Variants in BMS1 observed in about 807,000 individuals in gnomAD.
The protein encoded by BMS1 is BMS1 ribosome biogenesis factor, also known as ribosome biogenesis protein BMS1 homolog.
BMS1 carries 53 observed loss-of-function variants against 138.7 expected under a neutral mutation model. The ratio of observed to expected loss-of-function variants is 0.38; its 90% CI spans 0.31 to 0.48. BMS1 has a LOEUF of 0.48. BMS1 is among the 20% of genes least tolerant of loss of function. The probability of loss-of-function intolerance (pLI) is 0.97; values close to 1 mark genes in which losing one functional copy is unlikely to be tolerated. For missense variants in BMS1, 1,360 were observed against 1,565.5 expected (o/e 0.87, Z 2.22); for synonymous variants, 504 against 539.9 (o/e 0.93, Z 0.92).
At chr10:42,788,930 G>A (rs1841421100) in intron 4 of BMS1, among the ~76,000 whole-genome samples, 1 of 152,114 alleles carries the variant, frequency 6.6e-6, no homozygotes, top group Admixed American at 6.6e-5. Flanking sequence ...GTATTTTGGA[G>A]GTATATAATC....
intron 19 of BMS1, 135 bp downstream of exon 19, chr10:42,822,319 G>A: frequency 5.4e-6 from 3 of 556,746 alleles, no homozygotes; most frequent in East Asian, 6.2e-5. Context: ...TATTTTGTTT[G>A]CTCCTTTATA....
chr10:42,792,784 C>T (rs907308598), intron 7 of BMS1, among the ~76,000 whole-genome samples, 170 bp downstream of exon 7: 5 of 152,232 alleles, frequency 3.3e-5, no homozygotes, highest in African/African-American at 1.2e-4. Flanking sequence ...ATCCCCTCTT[C>T]TCTGACCTCT....
intron 3 of BMS1, among the ~76,000 whole-genome samples, chr10:42,786,216 T>C (rs914478973): frequency 6.6e-6 from 1 of 152,236 alleles, no homozygotes; most frequent in Non-Finnish European, 1.5e-5. Context: ...TATGCTTGCC[T>C]TATGAAGCCA....
chr10:42,796,344 T>C, intron 9 of BMS1, 130 bp from the exon 10 acceptor site: 1 of 1,109,464 alleles, frequency 9.0e-7, no homozygotes, highest in Non-Finnish European at 1.3e-6. Context: ...ATATTTTCCC[T>C]ATGCTATGTC....
rs1270517295 is a variant in BMS1 at position 42,832,992 on chromosome 10, C to T, written c.*1896C>T. ...TTTAAGTAGCTTACAAGGTGATCAG[C>T]AAGTGTCTTATACAACAAGCAAATT... On this transcript the variant is annotated 3_prime_UTR_variant, in exon 23 of 23. Transcript: ENST00000374518. 2 of 152,156 alleles carry T rather than the reference C, an allele frequency of 1.3e-5. No individual in the cohort carries two copies. Among genetic ancestry groups the T allele is most frequent in the Non-Finnish European group, 2.9e-5 (2 of 68,034 alleles). 9.4% of individuals were successfully genotyped at this position (152,156 alleles called of 1,614,324 possible). A position where few individuals can be genotyped will look rare whatever the true frequency, so the allele number is the denominator to read the frequency against.
rs975827567 is a variant in BMS1, at chr10:42,830,324, C to T, written c.3520C>T (p.Leu1174=). 1 of 1,613,896 alleles carries T rather than the reference C, an allele frequency of 6.2e-7. No individual in the cohort carries two copies. Residue 1174 remains leucine (L), a synonymous_variant, in exon 22 of 23, where the codon CTG becomes TTG. Transcript: ENST00000374518. ...CATTCCAAAAGCCTTGCAGAAGGCC[C>T]TGCCATTTAAGAACAAGCCCAAGAC... ...LHIPKALQKA[L]PFKNKPKTQA... is the part of the protein sequence containing the mutation.
intron 21 of BMS1, among the ~76,000 whole-genome samples, chr10:42,827,810 T>C (rs938995201): frequency 6.6e-6 from 1 of 152,164 alleles, no homozygotes; most frequent in South Asian, 2.1e-4. Flanking sequence ...TTTGGCTGTC[T>C]TTGTCAGGGG....
intron 13 of BMS1, among the ~76,000 whole-genome samples, chr10:42,804,043 A>G (rs1841947384): frequency 6.6e-6 from 1 of 152,190 alleles, no homozygotes; most frequent in Non-Finnish European, 1.5e-5. Flanking sequence ...TGATTATTTC[A>G]AGATTCATCC....
At chr10:42,811,742 T>A (rs956443576) in intron 13 of BMS1, among the ~76,000 whole-genome samples, 1 of 151,362 alleles carries the variant, frequency 6.6e-6, no homozygotes, top group African/African-American at 2.4e-5. Flanking sequence ...GCCGGGATGG[T>A]CTCGATCTCC....
intron 13 of BMS1, among the ~76,000 whole-genome samples, chr10:42,811,123 A>G (rs904043757): frequency 6.6e-6 from 1 of 151,188 alleles, no homozygotes; most frequent in Non-Finnish European, 1.5e-5. Flanking sequence ...GCTCCCCGCA[A>G]CCTCCACCTC....
intron 21 of BMS1, among the ~76,000 whole-genome samples, chr10:42,828,550 C>T (rs1842720462): frequency 8.2e-6 from 1 of 121,948 alleles, no homozygotes; most frequent in Non-Finnish European, 1.7e-5. Flanking sequence ...TTGGCCTCCA[C>T]CACCAGCAGC....
chr10:42,808,515 G>A (rs1842078982), intron 13 of BMS1, among the ~76,000 whole-genome samples: 1 of 151,816 alleles, frequency 6.6e-6, no homozygotes, highest in Admixed American at 6.6e-5. Context: ...TTGCCAGGAT[G>A]GTCTCCATCT....
intron 5 of BMS1, among the ~76,000 whole-genome samples, chr10:42,791,416 T>A (rs1252248540): frequency 1.3e-5 from 2 of 152,156 alleles, no homozygotes; most frequent in East Asian, 3.9e-4. Context: ...CATACTTAGA[T>A]GGATGCCCCG....
intron 13 of BMS1, among the ~76,000 whole-genome samples, chr10:42,815,643 C>T (rs757796556): frequency 1.8e-4 from 27 of 152,186 alleles, no homozygotes; most frequent in Non-Finnish European, 2.9e-4. Flanking sequence ...CTCACTGCAA[C>T]GTCTGCCTCC....
intron 15 of BMS1, among the ~76,000 whole-genome samples, chr10:42,818,224 A>C (rs1379823356): frequency 1.3e-5 from 2 of 152,236 alleles, no homozygotes; most frequent in Admixed American, 6.5e-5. Context: ...TTTCCTGATT[A>C]GGCATTAGCT....
chr10:42,810,361 T>G (rs1192678620), intron 13 of BMS1, among the ~76,000 whole-genome samples: 2 of 152,190 alleles, frequency 1.3e-5, no homozygotes, highest in East Asian at 1.9e-4. Context: ...ACAAATCTTT[T>G]TATGTGTTGT....
rs1331190967 is a variant in BMS1 at position 42,793,945 on chromosome 10, T to C, written c.1183T>C (p.Phe395Leu). ...AKMASSRVTL[F>L]SDSKPLGSED... ...GATGGCTTCAAGTCGAGTGACGCTG[T>C]TTTCTGATTCCAAGCCACTTGGGTC... The change falls in exon 9 of 23, where the codon TTT (phenylalanine) becomes CTT (leucine). Residue 395 changes from phenylalanine (F) to leucine (L), a missense_variant. By Grantham distance (22) the Phe-to-Leu change is conservative. Around this residue, in one of 3 missense-constraint regions of BMS1, gnomAD observed 697 missense variants for 686.2 expected, o/e 1.02. Coordinates refer to ENST00000374518, the MANE Select transcript of BMS1 (RefSeq NM_014753.4). 2 of 1,611,978 alleles carry C rather than the reference T, an allele frequency of 1.2e-6. No individual in the cohort carries two copies. Among genetic ancestry groups the C allele is most frequent in the Non-Finnish European group, 1.7e-6 (2 of 1,179,828 alleles).
At position 42,832,524 on chromosome 10, in the gene BMS1, T is replaced by G. The variant is rs11239788; in HGVS notation, c.*1428T>G. Reference sequence around the variant, plus strand: ...GCTGACCTCTGTGTTGTGCCAGTTATAGTATGTGTGCTGCTGATATGAGTG... The same window carrying G: ...GCTGACCTCTGTGTTGTGCCAGTTAGAGTATGTGTGCTGCTGATATGAGTG... On this transcript the variant is annotated 3_prime_UTR_variant, in exon 23 of 23. Coordinates refer to ENST00000374518, the MANE Select transcript of BMS1 (RefSeq NM_014753.4). The G allele has an allele frequency of 0.039, 5,885 of 152,286 alleles. 193 individuals carry two copies. The highest frequency in any genetic ancestry group is 0.052 in the Non-Finnish European group (3,509 of 68,026). The allele number at this position is 152,286 out of a possible 1,614,324, so 9.4% of individuals were successfully genotyped here.
Position 42,833,867 on chromosome 10 carries a change from A to G in BMS1, c.*2771A>G, listed in dbSNP as rs1287583229. 6.6e-6 allele frequency: 1 copy of G among 152,260 alleles called. No individual in the cohort carries two copies. The highest frequency in any genetic ancestry group is 2.4e-5 in the African/African-American group (1 of 41,472). The allele number at this position is 152,260 out of a possible 1,614,324, so 9.4% of individuals were successfully genotyped here. A position where few individuals can be genotyped will look rare whatever the true frequency, so the allele number is the denominator to read the frequency against. On this transcript the variant is annotated 3_prime_UTR_variant, in exon 23 of 23. Transcript: ENST00000374518. ...ACCAGAATGTGAGTTCCATGAGAGC[A>G]GGAACTGGGTTGTTCACCTTGTTGG...
Sources: gnomAD v4.1 joint callset for allele counts (sites outside exome capture counted in the v4.1 genomes callset) on GRCh38, gnomAD v4.1.1 for gene constraint, gnomAD v4.1.1 regional missense constraint, MANE v1.5 for transcripts, NCBI Gene and HGNC (gene_info 2026-07-23, HGNC 2026-07-21) for gene names.